The following BICRAL variants were observed in gnomAD, a reference collection of about 807,000 sequenced individuals.
The protein encoded by BICRAL is BICRA like chromatin remodeling complex associated protein, also known as BRD4-interacting chromatin-remodeling complex-associated protein-like.
A neutral mutation model predicts 91.8 loss-of-function variants in BICRAL; 8 were observed. The observed-to-expected ratio is 0.09, with a 90% CI of 0.05 to 0.16. The LOEUF (loss-of-function observed/expected upper bound fraction) is 0.16. Ranked by LOEUF, BICRAL falls within the 10% of genes least tolerant of loss-of-function variation. The probability of loss-of-function intolerance (pLI) is 1.00; values close to 1 mark genes in which losing one functional copy is unlikely to be tolerated. For synonymous variants in BICRAL, 445 were observed against 491.1 expected (o/e 0.91, Z 1.24); for missense variants, 1,038 against 1,310.9 (o/e 0.79, Z 3.21).
chr6:42,862,139 A>C (rs1256048351), intron 11 of BICRAL, among the ~76,000 whole-genome samples: 1 of 152,184 alleles, frequency 6.6e-6, no homozygotes, highest in Non-Finnish European at 1.5e-5. Flanking sequence ...GAGTTCAAAA[A>C]GATTTCTAAG....
At chr6:42,747,714 G>A (rs1159106464) in intron 1 of BICRAL, among the ~76,000 whole-genome samples, 1 of 152,092 alleles carries the variant, frequency 6.6e-6, no homozygotes, top group Non-Finnish European at 1.5e-5. Context: ...AAACAATGGT[G>A]CTTACTCTTG....
In BICRAL at chr6:42,815,505, A is replaced by G. The variant is rs1478133984; in HGVS notation, c.-6+5104A>G. Among the ~76,000 whole-genome samples the G allele has an allele frequency of 2.6e-5, 4 of 152,110 alleles. No individual in the cohort carries two copies. In the East Asian group the frequency reaches 7.7e-4, roughly 29 times the overall value. Reference sequence around the variant, plus strand: ...CCGTGCCCAGCCCAGAATATCTTAAATAGGCAAAACTGATTTGCTGAACTG... The same window carrying G: ...CCGTGCCCAGCCCAGAATATCTTAAGTAGGCAAAACTGATTTGCTGAACTG... On this transcript the variant is annotated intron_variant, in intron 2 of 12. Transcript: ENST00000314073.
rs552172318 is a variant in BICRAL, at chr6:42,832,225, G to A, written c.1839+2053G>A. Among the ~76,000 whole-genome samples, 134 of 151,460 alleles carry A rather than the reference G, an allele frequency of 8.8e-4. 1 individual carries two copies. The highest frequency in any genetic ancestry group is 2.8e-3 in the African/African-American group (118 of 41,404). ...TAGCTGGGTGTGGTGACACACGCCT[G>A]TAGTCCCAGCTACTTAGGAGGCTGA... On this transcript the variant is annotated intron_variant, in intron 6 of 12. Transcript: ENST00000314073.
intron 1 of BICRAL, among the ~76,000 whole-genome samples, chr6:42,798,804 C>G (rs1763489055): frequency 6.6e-6 from 1 of 152,174 alleles, no homozygotes; most frequent in African/African-American, 2.4e-5. Context: ...TATTACTGCT[C>G]CTTGCGGAGC....
chr6:42,754,649 T>G (rs1762433878), intron 1 of BICRAL, among the ~76,000 whole-genome samples: 1 of 152,210 alleles, frequency 6.6e-6, no homozygotes, highest in Admixed American at 6.5e-5. Flanking sequence ...GCCAGCACTT[T>G]GGAAGGCTGG....
intron 1 of BICRAL, among the ~76,000 whole-genome samples, chr6:42,805,557 A>T (rs967487756): frequency 3.9e-5 from 6 of 152,160 alleles, no homozygotes; most frequent in South Asian, 2.1e-4. Context: ...CACATTAGAA[A>T]GGGTGCTAAG....
chr6:42,790,214 G>A (rs566546920), intron 1 of BICRAL, among the ~76,000 whole-genome samples: 5 of 152,062 alleles, frequency 3.3e-5, no homozygotes, highest in African/African-American at 1.2e-4. Context: ...CTGGAGTGCA[G>A]TGGTACAATT....
chr6:42,820,459 T>C (rs552437256), intron 2 of BICRAL, among the ~76,000 whole-genome samples: 1 of 152,314 alleles, frequency 6.6e-6, no homozygotes, highest in South Asian at 2.1e-4. Context: ...TGATGAGCCA[T>C]GGTTAATACA....
intron 1 of BICRAL, among the ~76,000 whole-genome samples, chr6:42,784,677 C>T (rs1214391458): frequency 6.6e-6 from 1 of 152,106 alleles, no homozygotes; most frequent in Non-Finnish European, 1.5e-5. Flanking sequence ...GTAAAGTTGC[C>T]ATTGGATCAC....
chr6:42,775,712 C>T (rs1762799033), intron 1 of BICRAL, among the ~76,000 whole-genome samples: 1 of 152,096 alleles, frequency 6.6e-6, no homozygotes, highest in Admixed American at 6.5e-5. Context: ...TATCCTTGTA[C>T]TGAAAGCTTG....
At chr6:42,752,912 CTTT>C (rs57864510) in intron 1 of BICRAL, among the ~76,000 whole-genome samples, 1 of 82,228 alleles carries the variant, frequency 1.2e-5, no homozygotes. Flanking sequence ...CCCCAGCTGA[CTTT>C]TTTTTTTTTT....
chr6:42,763,265 T>G (rs893241986), intron 1 of BICRAL, among the ~76,000 whole-genome samples: 1 of 152,232 alleles, frequency 6.6e-6, no homozygotes, highest in African/African-American at 2.4e-5. Context: ...GACACAGATG[T>G]AAGTCTTTAA....
intron 1 of BICRAL, among the ~76,000 whole-genome samples, chr6:42,783,084 G>C (rs897779461): frequency 5.9e-5 from 9 of 151,658 alleles, no homozygotes; most frequent in Non-Finnish European, 1.0e-4. Context: ...AGGAGAGCAG[G>C]TCCGGGGTGC....
upstream of BICRAL, among the ~76,000 whole-genome samples, chr6:42,781,261 T>G (rs1762896622): frequency 6.6e-6 from 1 of 152,200 alleles, no homozygotes; most frequent in Non-Finnish European, 1.5e-5. Context: ...ATGAATGTTT[T>G]GAGAGTGATT....
chr6:42,757,236 T>C (rs1762475678), intron 1 of BICRAL, among the ~76,000 whole-genome samples: 1 of 149,548 alleles, frequency 6.7e-6, no homozygotes, highest in South Asian at 2.1e-4. Context: ...CCATGCTCTA[T>C]ATAAATAGTT....
intron 1 of BICRAL, among the ~76,000 whole-genome samples, chr6:42,783,353 C>T (rs1241130949): frequency 6.6e-6 from 1 of 152,122 alleles, no homozygotes; most frequent in African/African-American, 2.4e-5. Context: ...GCTGGGACGG[C>T]GCATTTTTGG....
chr6:42,860,166 A>G (rs1765510736), intron 10 of BICRAL, 96 bp from the exon 11 acceptor site: 2 of 731,124 alleles, frequency 2.7e-6, no homozygotes, highest in Admixed American at 4.5e-5. Context: ...CCATGTTTGA[A>G]TAACAGAAGA....
intron 1 of BICRAL, among the ~76,000 whole-genome samples, chr6:42,805,838 A>C (rs1763689671): frequency 6.6e-6 from 1 of 152,042 alleles, no homozygotes; most frequent in Non-Finnish European, 1.5e-5. Context: ...CGTCTCTACT[A>C]AAAATAGGAA....
chr6:42,826,815 T>C (rs561514948), intron 5 of BICRAL, among the ~76,000 whole-genome samples: 2 of 152,084 alleles, frequency 1.3e-5, no homozygotes, highest in East Asian at 1.9e-4. Context: ...AGACAAAGTT[T>C]CGCTCTTGTT....
Sources: allele counts gnomAD v4.1 joint callset (sites outside exome capture counted in the v4.1 genomes callset), GRCh38; gene constraint gnomAD v4.1.1; transcripts MANE v1.5; gene names NCBI Gene and HGNC (gene_info 2026-07-23, HGNC 2026-07-21).